Variants in C1QTNF6 observed in about 807,000 individuals in gnomAD.
The protein encoded by C1QTNF6 is complement C1q tumor necrosis factor-related protein 6.
C1QTNF6 carries 17 observed loss-of-function variants against 20.7 expected under a neutral mutation model. That is an observed-to-expected ratio of 0.82 (90% CI 0.56 to 1.23). The LOEUF (loss-of-function observed/expected upper bound fraction) is 1.23. Ranked by LOEUF, C1QTNF6 falls within the 50% of genes most tolerant of loss-of-function variation. The pLI is 0.00. For missense variants in C1QTNF6, 329 were observed against 389.7 expected, an observed-to-expected ratio of 0.84 and a Z score of 1.31; for synonymous variants, 130 against 156.3, an observed-to-expected ratio of 0.83 and a Z score of 1.25.
At chr22:37,196,853 T>TG (rs1276074749) in intron 1 of C1QTNF6, 2 of 152,286 alleles carry the variant, frequency 1.3e-5, no homozygotes, top group Admixed American at 6.5e-5. Context: ...GGACGGCCCC[T>TG]GGGCTCTGCG....
chr22:37,189,805 TA>T, upstream of C1QTNF6, among the ~76,000 whole-genome samples: 1 of 152,108 alleles, frequency 6.6e-6, no homozygotes, highest in East Asian at 1.9e-4. Context: ...GTAAAATAAG[TA>T]AAATTATCCC....
chr22:37,182,392 A>G lies in C1QTNF6; in HGVS notation c.633T>C (p.His211=). The stretch of plus-strand genomic sequence containing the variant: ...ACAGGATGACAGCCTCTTTCTGGTT[A>G]TGCATAATGTGCACGTACGTCTCCT... The part of the protein sequence containing the change: ...NYKETYVHIM[H]NQKEAVILYA... The change falls in exon 3 of 3, where the codon CAT becomes CAC. Residue 211 remains histidine, a synonymous_variant. Transcript: ENST00000337843. 1 of 1,614,254 alleles carries G rather than the reference A, an allele frequency of 6.2e-7. No homozygotes were observed. The highest frequency in any genetic ancestry group is 8.5e-7 in the Non-Finnish European group (1 of 1,180,030).
intron 1 of C1QTNF6, chr22:37,185,771 C>T (rs1188547656): frequency 1.9e-6 from 2 of 1,038,948 alleles, no homozygotes; most frequent in East Asian, 1.5e-4. Flanking sequence ...TGAGAGCAGA[C>T]AGGGATCCCA....
intron 2 of C1QTNF6, among the ~76,000 whole-genome samples, chr22:37,183,780 T>A: frequency 6.6e-6 from 1 of 152,302 alleles, no homozygotes; most frequent in Admixed American, 6.5e-5. Flanking sequence ...TGCACAGCTC[T>A]AGACCTTGTG....
upstream of C1QTNF6, chr22:37,188,313 G>A: frequency 1.9e-6 from 2 of 1,045,416 alleles, no homozygotes; most frequent in South Asian, 1.7e-5. Context: ...TGGAGGGAGA[G>A]AGGGCGGAGG....
intron 1 of C1QTNF6, chr22:37,196,427 G>C (rs757850503): frequency 3.2e-4 from 48 of 152,222 alleles, no homozygotes; most frequent in Non-Finnish European, 5.1e-4. Context: ...AAGGGATTTG[G>C]TGGGTTTTGG....
chr22:37,195,421 G>A (rs1040407304), exon 2 of C1QTNF6: 1 of 152,132 alleles, frequency 6.6e-6, no homozygotes, highest in African/African-American at 2.4e-5. Context: ...TTTCCTTTGG[G>A]TTGAGGGTGT....
upstream of C1QTNF6, chr22:37,188,322 G>T: frequency 1.3e-3 from 1,215 of 909,940 alleles, no homozygotes; most frequent in Non-Finnish European, 1.7e-3. Flanking sequence ...AGAGGGCGGA[G>T]GGAGGGCGGA....
rs148769820 is a variant in C1QTNF6, at chr22:37,182,340, T to C, written c.685A>G (p.Met229Val). ...LYAQPSERSI[M>V]QSQSVMLDLA... ...TCCAGCATCACACTCTGGCTCTGCA[T>C]GATGCTGCGCTCGCTGGGCTGCGCG... The change falls in exon 3 of 3, where the codon ATG becomes GTG. Residue 229 changes from methionine (M) to valine (V), a missense_variant. Met to Val is a conservative substitution (Grantham distance 21). Transcript: ENST00000337843. 62 of 1,614,142 alleles carry C rather than the reference T, an allele frequency of 3.8e-5. No homozygotes were observed. The African/African-American group carries it at 7.5e-4, about 19-fold the overall frequency.
chr22:37,192,272 A>G (rs1216289622), upstream of C1QTNF6, among the ~76,000 whole-genome samples: 1 of 152,234 alleles, frequency 6.6e-6, no homozygotes, highest in African/African-American at 2.4e-5. Flanking sequence ...TAGTAGTCTC[A>G]ATTACATATA....
At chr22:37,188,035 C>G in intron 1 of C1QTNF6, 128 bp downstream of exon 1, 10 of 956,962 alleles carry the variant, frequency 1.0e-5, no homozygotes, top group Non-Finnish European at 1.5e-5. Context: ...GAGGGGAGAG[C>G]CTGGAGAGGC....
At chr22:37,188,098 A>C (rs1214975456) in intron 1 of C1QTNF6, 65 bp downstream of exon 1, 5 of 1,521,762 alleles carry the variant, frequency 3.3e-6, no homozygotes, top group Non-Finnish European at 4.5e-6. Context: ...GGAAGCAAGG[A>C]GGGAGGAGAG....
At chr22:37,182,794 G>A (rs774672340) in intron 2 of C1QTNF6, 59 bp from the exon 3 acceptor site, 21 of 1,494,924 alleles carry the variant, frequency 1.4e-5, no homozygotes, top group East Asian at 2.5e-5. Context: ...CCAAGGAGGT[G>A]CCCACACTCA....
intron 1 of C1QTNF6, among the ~76,000 whole-genome samples, chr22:37,186,676 T>C (rs559430996): frequency 6.6e-6 from 1 of 152,112 alleles, no homozygotes; most frequent in East Asian, 1.9e-4. Context: ...AAAAAGACCT[T>C]TGAGGTGGTG....
At position 37,182,186 on chromosome 22, in the gene C1QTNF6, C is replaced by T. The variant is rs1923825350; in HGVS notation, c.*2G>A. On this transcript the variant is annotated 3_prime_UTR_variant, in exon 3 of 3. Transcript: ENST00000337843. ...CCAGCCGGGAGGGTGGCCCAGAGGCCCTCAGTCGTCCTCGGCCTTGATGAG... is the reference window on the plus strand; with the variant it reads ...CCAGCCGGGAGGGTGGCCCAGAGGCTCTCAGTCGTCCTCGGCCTTGATGAG... The T allele has an allele frequency of 6.2e-7, 1 of 1,605,718 alleles. No homozygotes were observed. The highest frequency in any genetic ancestry group is 8.5e-7 in the Non-Finnish European group (1 of 1,174,908).
chr22:37,194,550 T>C (rs1159432168), intron 2 of C1QTNF6, among the ~76,000 whole-genome samples: 2 of 152,206 alleles, frequency 1.3e-5, no homozygotes, highest in Non-Finnish European at 2.9e-5. Context: ...TACTGTGCCA[T>C]TGCTATGGGG....
intron 2 of C1QTNF6, among the ~76,000 whole-genome samples, chr22:37,195,079 T>C (rs1171136242): frequency 1.3e-5 from 2 of 152,248 alleles, no homozygotes; most frequent in Non-Finnish European, 2.9e-5. Context: ...CCATGTCCCA[T>C]GATCCTGTAC....
upstream of C1QTNF6, chr22:37,197,974 C>A (rs1333912924): frequency 6.6e-6 from 1 of 152,288 alleles, no homozygotes; most frequent in African/African-American, 2.4e-5. Flanking sequence ...CATGAGGAGG[C>A]CAGGACCATC....
upstream of C1QTNF6, among the ~76,000 whole-genome samples, chr22:37,193,187 G>A (rs1267821865): frequency 6.6e-6 from 1 of 152,148 alleles, no homozygotes. Context: ...TACATAGCAA[G>A]GCTAAAAGCT....
Sources: allele counts gnomAD v4.1 joint callset (sites outside exome capture counted in the v4.1 genomes callset), GRCh38; gene constraint gnomAD v4.1.1; transcripts MANE v1.5; gene names NCBI Gene and HGNC (gene_info 2026-07-23, HGNC 2026-07-21).